Variants in LRP8 observed in about 807,000 individuals in gnomAD.
LRP8 encodes the protein LDL receptor related protein 8, also known as low-density lipoprotein receptor-related protein 8.
Under a neutral mutation model 111.6 loss-of-function variants are expected in LRP8, and 46 were observed. The observed-to-expected ratio is 0.41, with a 90% CI of 0.33 to 0.53. The LOEUF is 0.53. Among genes scored for constraint, LRP8 ranks in the 20% least tolerant of loss-of-function variants. LRP8 has a pLI of 0.20. For missense variants in LRP8, 959 were observed against 1,297.4 expected (o/e 0.74, Z 4.01); for synonymous variants, 464 against 511.2 (o/e 0.91, Z 1.24).
intron 12 of LRP8, among the ~76,000 whole-genome samples, chr1:53,261,724 A>G (rs902217427): frequency 3.3e-5 from 5 of 152,316 alleles, no homozygotes; most frequent in Non-Finnish European, 4.4e-5. Flanking sequence ...AAGGATATGT[A>G]TGTTCCTTCT....
intron 2 of LRP8, among the ~76,000 whole-genome samples, chr1:53,301,261 A>G (rs969678260): frequency 3.3e-5 from 5 of 152,190 alleles, no homozygotes; most frequent in Non-Finnish European, 5.9e-5. Context: ...CCTGAGCCCA[A>G]GAGAAATCTA....
chr1:53,289,727 C>T (rs374842586), intron 2 of LRP8, 38 bp from the exon 3 acceptor site: 107 of 1,609,986 alleles, frequency 6.6e-5, no homozygotes, highest in Non-Finnish European at 8.4e-5. Context: ...AGCCTGGGAG[C>T]AGTCAGGAGG....
At chr1:53,252,026 A>C (rs1645913001) in intron 16 of LRP8, among the ~76,000 whole-genome samples, 1 of 144,514 alleles carries the variant, frequency 6.9e-6, no homozygotes. Flanking sequence ...TGGGCAACAG[A>C]GTGAGACCTT....
chr1:53,267,777 C>T (rs1646629031), intron 8 of LRP8: 2 of 152,210 alleles, frequency 1.3e-5, no homozygotes, highest in African/African-American at 4.8e-5. Context: ...AGGACACTGT[C>T]CCATGGGCCT....
At chr1:53,308,649 T>G (rs1156671737) in intron 2 of LRP8, among the ~76,000 whole-genome samples, 2 of 152,206 alleles carry the variant, frequency 1.3e-5, no homozygotes, top group African/African-American at 4.8e-5. Context: ...GGACCTTGCC[T>G]GCTGATTCCC....
chr1:53,254,864 C>T (rs1348266712), intron 16 of LRP8, among the ~76,000 whole-genome samples: 2 of 152,116 alleles, frequency 1.3e-5, no homozygotes, highest in African/African-American at 4.8e-5. Flanking sequence ...CTTCACATAG[C>T]TGGAGTGTAG....
At chr1:53,305,546 G>C (rs1014395543) in intron 2 of LRP8, 7 of 152,242 alleles carry the variant, frequency 4.6e-5, no homozygotes, top group African/African-American at 1.7e-4. Context: ...TAGAAGGCCT[G>C]TTCCTTGGAG....
At chr1:53,326,734 G>A (rs918869764) in intron 2 of LRP8, 139 bp downstream of exon 2, 3 of 1,381,794 alleles carry the variant, frequency 2.2e-6, no homozygotes, top group South Asian at 1.5e-5. Flanking sequence ...GTGCCCAGGC[G>A]GTTTCCCGGT....
chr1:53,274,570 C>T lies in LRP8; in HGVS notation c.1006+1061G>A, dbSNP rs1487529148. On this transcript the variant is annotated intron_variant, in intron 6 of 18. Transcript: ENST00000306052. ...CCCCATGTGAAGCCATAGGACGGCA[C>T]ATGAATCCAAAGAGAGGGTCAGAGC... 1.9e-4 allele frequency: 78 copies of T among 404,180 alleles called. 1 individual carries two copies. The highest frequency in any genetic ancestry group is 1.2e-3 in the South Asian group (66 of 55,692). The allele number at this position is 404,180 out of a possible 1,614,324, so 25.0% of individuals were successfully genotyped here.
chr1:53,281,430 G>A (rs1485539440), intron 3 of LRP8, among the ~76,000 whole-genome samples: 1 of 152,230 alleles, frequency 6.6e-6, no homozygotes, highest in African/African-American at 2.4e-5. Context: ...GTTTCTGCTG[G>A]ACCCATGTGA....
intron 3 of LRP8, among the ~76,000 whole-genome samples, chr1:53,285,502 C>A (rs898869467): frequency 2.0e-5 from 3 of 152,186 alleles, no homozygotes; most frequent in Admixed American, 2.0e-4. Context: ...AACTACTGAA[C>A]CTCTCTGCAC....
Position 53,328,065 on chromosome 1 carries a change from C to T in LRP8, c.-153G>A. On this transcript the variant is annotated 5_prime_UTR_variant, in exon 1 of 19. The change abolishes an upstream ATG in the 5' untranslated region. Coordinates refer to ENST00000306052, the MANE Select transcript of LRP8 (RefSeq NM_004631.5). ...GCCGCCCGCCCCGGCTCCTCGGCTGCATTTCAAGCAGGTTCGGTGACGCTC... is the reference window on the plus strand; with the variant it reads ...GCCGCCCGCCCCGGCTCCTCGGCTGTATTTCAAGCAGGTTCGGTGACGCTC... The T allele has an allele frequency of 3.3e-6, 1 of 305,016 alleles. No individual in the cohort carries two copies. Among genetic ancestry groups the T allele is most frequent in the Non-Finnish European group, 4.8e-6 (1 of 209,546 alleles). 18.9% of individuals were successfully genotyped at this position (305,016 alleles called of 1,614,324 possible). A position where few individuals can be genotyped will look rare whatever the true frequency, so the allele number is the denominator to read the frequency against.
At chr1:53,278,808 G>A (rs558346581) in intron 4 of LRP8, among the ~76,000 whole-genome samples, 101 of 146,894 alleles carry the variant, frequency 6.9e-4, no homozygotes, top group African/African-American at 2.4e-3. Context: ...TCGCTCTGTC[G>A]CCCAGGCTGG....
At chr1:53,291,206 C>T (rs1648693823) in intron 2 of LRP8, among the ~76,000 whole-genome samples, 2 of 152,034 alleles carry the variant, frequency 1.3e-5, no homozygotes, top group Admixed American at 1.3e-4. Flanking sequence ...GACCAGGAGG[C>T]CCAGAAATGA....
intron 2 of LRP8, among the ~76,000 whole-genome samples, chr1:53,310,768 C>T (rs751793847): frequency 1.3e-5 from 2 of 152,122 alleles, no homozygotes; most frequent in Non-Finnish European, 2.9e-5. Flanking sequence ...GCCTCCATCC[C>T]AGGAGGTATG....
Position 53,246,726 on chromosome 1 carries a change from G to T in LRP8, c.*292C>A. ...GTGCCATTGGCCCCCATTTGGTTATGTGCATCATGTTAGTCAGCAGTAGCC... is the reference window on the plus strand; with the variant it reads ...GTGCCATTGGCCCCCATTTGGTTATTTGCATCATGTTAGTCAGCAGTAGCC... On this transcript the variant is annotated 3_prime_UTR_variant, in exon 19 of 19. Coordinates refer to ENST00000306052, the MANE Select transcript of LRP8 (RefSeq NM_004631.5). 1 of 398,200 alleles carries T rather than the reference G, an allele frequency of 2.5e-6. No homozygotes were observed. The allele number at this position is 398,200 out of a possible 1,614,324, so 24.7% of individuals were successfully genotyped here.
chr1:53,296,728 C>T (rs1469800543), intron 2 of LRP8, among the ~76,000 whole-genome samples: 1 of 152,202 alleles, frequency 6.6e-6, no homozygotes, highest in African/African-American at 2.4e-5. Flanking sequence ...AACGACAGAG[C>T]AGTAATGAGA....
Position 53,250,717 on chromosome 1 carries a change from A to C in LRP8, c.2649T>G (p.Thr883=). Residue 883 remains threonine (T), a synonymous_variant, in exon 17 of 19, where the codon ACT becomes ACG. Transcript: ENST00000306052. This position sits in a 1 kb window ranked among gnomAD's most constrained non-coding sequence, Gnocchi z 4.6. ...CAGGATAGACATGGCCAATCTGAGC[A>C]GTTCTCCCTATATGGAGCTCATCTT... is the stretch of plus-strand genomic sequence containing the variant. The part of the protein sequence containing the change: ...EDEDELHIGR[T]AQIGHVYPAA... 6.2e-7 allele frequency: 1 copy of C among 1,614,116 alleles called. No homozygotes were observed. Among genetic ancestry groups the C allele is most frequent in the Non-Finnish European group, 8.5e-7 (1 of 1,179,960 alleles).
At chr1:53,327,756 A>G (rs1299658174) in intron 1 of LRP8, 33 bp downstream of exon 1, 24 of 1,479,678 alleles carry the variant, frequency 1.6e-5, no homozygotes, top group Non-Finnish European at 2.0e-5. Flanking sequence ...GCTAGGGCGG[A>G]GCAGAGCCGA....
Sources: allele counts gnomAD v4.1 joint callset (sites outside exome capture counted in the v4.1 genomes callset), GRCh38; gene constraint gnomAD v4.1.1; non-coding constraint Gnocchi (gnomAD v3.1); transcripts MANE v1.5; gene names NCBI Gene and HGNC (gene_info 2026-07-23, HGNC 2026-07-21).